The following CPS1 variants were observed in gnomAD, a reference collection of about 807,000 sequenced individuals.
The protein encoded by CPS1 is carbamoyl-phosphate synthase [ammonia], mitochondrial.
In CPS1, 109 loss-of-function variants were observed where a neutral mutation model predicts 174.6. The observed-to-expected ratio is 0.62, with a 90% CI of 0.53 to 0.73. The LOEUF is 0.73. Ranked by LOEUF, CPS1 falls within the 30% of genes least tolerant of loss-of-function variation. CPS1 has a pLI of 0.00. For synonymous variants in CPS1, 637 were observed against 632.0 expected (o/e 1.01, Z -0.12); for missense variants, 1,689 against 1,821.9 (o/e 0.93, Z 1.33).
At chr2:210,505,270 C>G (rs72934330) in intron 1 of CPS1, among the ~76,000 whole-genome samples, 30,810 of 150,732 alleles carry the variant, frequency 0.2, 3,647 homozygotes, top group Middle Eastern at 0.33. Context: ...GCAGTTTTTG[C>G]CATTGAAAGT....
chr2:210,550,996 T>C (rs955091110), intron 1 of CPS1, among the ~76,000 whole-genome samples: 3 of 151,940 alleles, frequency 2.0e-5, no homozygotes, highest in African/African-American at 7.2e-5. Flanking sequence ...CTCTAAGTTC[T>C]GCTTTCTATA....
At chr2:210,648,297 T>C (rs931281865) in intron 26 of CPS1, among the ~76,000 whole-genome samples, 176 bp from the exon 27 acceptor site, 1 of 152,208 alleles carries the variant, frequency 6.6e-6, no homozygotes, top group Non-Finnish European at 1.5e-5. Context: ...TGAACAAGAT[T>C]TGATATTTAG....
At chr2:210,646,784 A>G (rs924026243) in intron 25 of CPS1, among the ~76,000 whole-genome samples, 47 of 152,120 alleles carry the variant, frequency 3.1e-4, no homozygotes, top group African/African-American at 1.1e-3. Context: ...TGTTGTCTAT[A>G]AAATTAGACA....
chr2:210,626,192 A>G (rs893262359), intron 21 of CPS1, among the ~76,000 whole-genome samples: 1 of 152,154 alleles, frequency 6.6e-6, no homozygotes, highest in Non-Finnish European at 1.5e-5. Flanking sequence ...TCTGAAACAG[A>G]TACAAATGGT....
At chr2:210,630,549 C>T (rs771543284) in intron 21 of CPS1, among the ~76,000 whole-genome samples, 44 of 152,144 alleles carry the variant, frequency 2.9e-4, no homozygotes, top group Non-Finnish European at 6.3e-4. Context: ...CATACTGTCA[C>T]GTGAACATTG....
chr2:210,533,271 A>C (rs916103060), intron 1 of CPS1, among the ~76,000 whole-genome samples: 1 of 152,190 alleles, frequency 6.6e-6, no homozygotes, highest in African/African-American at 2.4e-5. Context: ...TGGAGAATTG[A>C]AATCCCATGA....
intron 1 of CPS1, among the ~76,000 whole-genome samples, chr2:210,565,793 A>G (rs769179309): frequency 5.6e-4 from 85 of 152,190 alleles, no homozygotes; most frequent in Non-Finnish European, 8.2e-4. Flanking sequence ...CTTGAACATC[A>G]GGCAACTTGG....
chr2:210,575,894 C>A (rs1478799295), intron 2 of CPS1, among the ~76,000 whole-genome samples: 1 of 151,960 alleles, frequency 6.6e-6, no homozygotes, highest in Non-Finnish European at 1.5e-5. Flanking sequence ...TAAAAAATAT[C>A]AAGAAAAACT....
intron 1 of CPS1, among the ~76,000 whole-genome samples, chr2:210,568,102 G>A (rs1697360145): frequency 2.0e-5 from 3 of 152,096 alleles, no homozygotes; most frequent in Non-Finnish European, 4.4e-5. Flanking sequence ...ATCTAGTACG[G>A]TAGATAAATA....
At chr2:210,646,286 C>T (rs1700375679) in intron 25 of CPS1, among the ~76,000 whole-genome samples, 1 of 151,814 alleles carries the variant, frequency 6.6e-6, no homozygotes, top group Admixed American at 6.6e-5. Flanking sequence ...AGATTATAGC[C>T]AAGAGAGTAT....
intron 1 of CPS1, among the ~76,000 whole-genome samples, chr2:210,541,115 A>G (rs1441134342): frequency 6.6e-6 from 1 of 152,142 alleles, no homozygotes; most frequent in Admixed American, 6.6e-5. Flanking sequence ...CCCAAGACTC[A>G]GATCATCGGG....
intron 33 of CPS1, among the ~76,000 whole-genome samples, chr2:210,664,942 G>T (rs1011975587): frequency 4.6e-5 from 7 of 152,258 alleles, no homozygotes; most frequent in Non-Finnish European, 8.8e-5. Flanking sequence ...TAAACATTCA[G>T]CTACTGATAT....
At chr2:210,629,965 C>T (rs1363964825) in intron 21 of CPS1, among the ~76,000 whole-genome samples, 2 of 151,134 alleles carry the variant, frequency 1.3e-5, no homozygotes, top group Non-Finnish European at 2.9e-5. Context: ...CCCAGCTACT[C>T]GAGAGGCTGA....
rs1701618802 is a variant in CPS1, at chr2:210,678,875, T to C, written c.*890T>C. ...TTTTGTCATTCACACTCTCCCCCAGTTTTGGAATAACTTGGAAGTAAGGTT... is the reference window on the plus strand; with the variant it reads ...TTTTGTCATTCACACTCTCCCCCAGCTTTGGAATAACTTGGAAGTAAGGTT... On this transcript the variant is annotated 3_prime_UTR_variant, in exon 38 of 38. Transcript: ENST00000233072. 6.6e-6 allele frequency: 1 copy of C among 152,214 alleles called. No individual in the cohort carries two copies. Among genetic ancestry groups the C allele is most frequent in the African/African-American group, 2.4e-5 (1 of 41,452 alleles). The allele number at this position is 152,214 out of a possible 1,614,324, so 9.4% of individuals were successfully genotyped here. A position where few individuals can be genotyped will look rare whatever the true frequency, so the allele number is the denominator to read the frequency against.
intron 20 of CPS1, 91 bp from the exon 21 acceptor site, chr2:210,616,330 AAC>A (rs751146867): frequency 1.2e-6 from 1 of 849,980 alleles, no homozygotes; most frequent in Non-Finnish European, 2.0e-6. Context: ...CTCTCTAAAT[AAC>A]ACACAGAGGC....
intron 1 of CPS1, among the ~76,000 whole-genome samples, chr2:210,505,949 C>T (rs369276692): frequency 3.3e-5 from 1 of 29,918 alleles, no homozygotes; most frequent in African/African-American, 1.5e-4. Flanking sequence ...TCTGTAGACT[C>T]CACCTCTGGG....
chr2:210,594,621 T>C lies in CPS1; in HGVS notation c.1263+15T>C. The C allele has an allele frequency of 1.9e-6, 3 of 1,588,210 alleles. No individual in the cohort carries two copies. Among genetic ancestry groups the C allele is most frequent in the Non-Finnish European group, 2.6e-6 (3 of 1,157,486 alleles). ...CTCGGGTTGAGGTCAGTATGTGGGC[T>C]TATTTTTGGTTTATGAATTTTGGAT... On this transcript the variant is annotated intron_variant, in intron 12 of 37. Coordinates refer to ENST00000233072, the MANE Select transcript of CPS1 (RefSeq NM_001875.5).
At chr2:210,574,363 G>T (rs558702913) in intron 2 of CPS1, among the ~76,000 whole-genome samples, 1 of 151,986 alleles carries the variant, frequency 6.6e-6, no homozygotes, top group South Asian at 2.1e-4. Flanking sequence ...TAAAGACAAG[G>T]GGGCATTAGG....
intron 25 of CPS1, 85 bp downstream of exon 25, chr2:210,642,750 G>A: frequency 2.5e-6 from 3 of 1,191,868 alleles, no homozygotes; most frequent in South Asian, 1.3e-5. Context: ...CTGGTATATA[G>A]ATGTATATAG....
Sources: allele counts gnomAD v4.1 joint callset (sites outside exome capture counted in the v4.1 genomes callset), GRCh38; gene constraint gnomAD v4.1.1; transcripts MANE v1.5; gene names NCBI Gene and HGNC (gene_info 2026-07-23, HGNC 2026-07-21).